USHBP1: variants seen among roughly 807,000 people sequenced by gnomAD.
USHBP1 encodes the protein USH1 protein network component harmonin binding protein 1.
USHBP1 carries 67 observed loss-of-function variants against 76.2 expected under a neutral mutation model. That is an observed-to-expected ratio of 0.88 (90% CI 0.72 to 1.08). The LOEUF (loss-of-function observed/expected upper bound fraction) is 1.08. Among genes scored for constraint, USHBP1 ranks in the 50% least tolerant of loss-of-function variants. The pLI is 0.00. For missense variants in USHBP1, 931 were observed against 915.0 expected (o/e 1.02, Z -0.23); for synonymous variants, 322 against 362.2 (o/e 0.89, Z 1.26).
At chr19:17,261,317 T>C (rs1227956915) in intron 4 of USHBP1, among the ~76,000 whole-genome samples, 2 of 140,810 alleles carry the variant, frequency 1.4e-5, no homozygotes, top group Non-Finnish European at 3.0e-5. Context: ...TTTTCTTTCT[T>C]TTTCTTTCTT....
Position 17,251,670 on chromosome 19 carries a change from G to T in USHBP1, c.1834C>A (p.Arg612Ser), listed in dbSNP as rs139642055. Residue 612 changes from arginine (R) to serine (S), a missense_variant, in exon 12 of 13, where the codon CGC (arginine) becomes AGC (serine). Coordinates refer to ENST00000252597, the MANE Select transcript of USHBP1 (RefSeq NM_031941.4). ...TGAGCCACCTGTTCCAGCTCCCTGC[G>T]CAGAGACTGCAGCTGCTCCTGCAGG... ...LDLQEQLQSLRRELEQVAQKG... is the reference protein window; with the variant it reads ...LDLQEQLQSLSRELEQVAQKG... 3 of 1,613,674 alleles carry T rather than the reference G, an allele frequency of 1.9e-6. No individual in the cohort carries two copies. The highest frequency in any genetic ancestry group is 1.3e-5 in the African/African-American group (1 of 75,032).
At chr19:17,252,336 C>A (rs1253869299) in intron 10 of USHBP1, among the ~76,000 whole-genome samples, 5 of 152,020 alleles carry the variant, frequency 3.3e-5, no homozygotes, top group African/African-American at 1.2e-4. Flanking sequence ...GTTGGGATTA[C>A]AGACACATGC....
In USHBP1 at chr19:17,251,655, G is replaced by A. The variant is rs767663098; in HGVS notation, c.1849C>T (p.Gln617Ter). ...CTGGCTCGCCCCTTCTGAGCCACCT[G>A]TTCCAGCTCCCTGCGCAGAGACTGC... The part of the protein sequence containing the change: ...QLQSLRRELE[Q>*]VAQKGRARRS... The change falls in exon 12 of 13, where the codon CAG becomes TAG. Residue 617 changes from glutamine (Q) to a stop codon, truncating the protein, a stop_gained. Transcript: ENST00000252597. LOFTEE classifies it high-confidence loss of function. 6.8e-6 allele frequency: 11 copies of A among 1,613,958 alleles called. No homozygotes were observed. Among genetic ancestry groups the A allele is most frequent in the Non-Finnish European group, 9.3e-6 (11 of 1,180,016 alleles).
At chr19:17,257,468 C>A (rs1020017425) in intron 8 of USHBP1, among the ~76,000 whole-genome samples, 1 of 150,234 alleles carries the variant, frequency 6.7e-6, no homozygotes, top group Non-Finnish European at 1.5e-5. Context: ...TATGGAGAAA[C>A]CCCGTCTCTA....
intron 4 of USHBP1, among the ~76,000 whole-genome samples, chr19:17,260,812 C>A (rs2073677854): frequency 6.6e-6 from 1 of 152,192 alleles, no homozygotes; most frequent in Non-Finnish European, 1.5e-5. Flanking sequence ...CCAGCCAAAC[C>A]TGCCTACCCT....
Position 17,251,645 on chromosome 19 carries a change from T to A in USHBP1, c.1859A>T (p.Gln620Leu), listed in dbSNP as rs1257422383. ...SLRRELEQVA[Q>L]KGRARRSQSA... ...CTGAGACCGTCTGGCTCGCCCCTTC[T>A]GAGCCACCTGTTCCAGCTCCCTGCG... is the stretch of plus-strand genomic sequence containing the variant. Residue 620 changes from glutamine (Q) to leucine (L), a missense_variant, in exon 12 of 13, where the codon CAG becomes CTG. Transcript: ENST00000252597. The A allele has an allele frequency of 6.2e-7, 1 of 1,614,008 alleles. No homozygotes were observed.
intron 10 of USHBP1, among the ~76,000 whole-genome samples, chr19:17,253,381 C>T (rs2145580153): frequency 6.6e-6 from 1 of 151,184 alleles, no homozygotes; most frequent in South Asian, 2.1e-4. Flanking sequence ...CTCCACCCCT[C>T]CAGGTTTAAG....
chr19:17,251,890 G>C, intron 11 of USHBP1, 21 bp downstream of exon 11: 1 of 1,531,970 alleles, frequency 6.5e-7, no homozygotes, highest in South Asian at 1.2e-5. Context: ...CCCCCGCACA[G>C]CCCAGGACCC....
Position 17,259,986 on chromosome 19 carries a change from GC to G in USHBP1, c.678del (p.Glu226AspfsTer107). The G allele has an allele frequency of 1.2e-6, 2 of 1,613,934 alleles. No individual in the cohort carries two copies. Among genetic ancestry groups the G allele is most frequent in the Non-Finnish European group, 1.7e-6 (2 of 1,179,930 alleles). On this transcript the variant is annotated frameshift_variant, in exon 5 of 13. Transcript: ENST00000252597. LOFTEE classifies it high-confidence loss of function. ...QELQDSLLRL[E>X]PCPHLSHNQA... The stretch of plus-strand genomic sequence containing the variant: ...TGGTTGTGGGAAAGATGTGGGCAGG[GC>G]TCCAGCCTCAAGAGGGAATCCTGCA...
At chr19:17,260,061 A>T (rs2073669930) in intron 4 of USHBP1, 39 bp from the exon 5 acceptor site, 1 of 1,590,658 alleles carries the variant, frequency 6.3e-7, no homozygotes. Flanking sequence ...TAGGGGCTCA[A>T]ACCAACCACC....
In USHBP1 at chr19:17,262,726, T is replaced by TC. The variant is rs761129967; in HGVS notation, c.467dup (p.Ala157SerfsTer33). ...CTTCCTGCTTCCCAAGGGAACCTGC[T>TC]CCCCCTTCGCTTGTGCCTTCGAACT... On this transcript the variant is annotated frameshift_variant, in exon 4 of 13. Coordinates refer to ENST00000252597, the MANE Select transcript of USHBP1 (RefSeq NM_031941.4). LOFTEE classifies it high-confidence loss of function. 1 of 1,614,028 alleles carries TC rather than the reference T, an allele frequency of 6.2e-7. No individual in the cohort carries two copies. The highest frequency in any genetic ancestry group is 1.3e-5 in the African/African-American group (1 of 74,914).
chr19:17,255,222 G>A (rs992220903), intron 10 of USHBP1, among the ~76,000 whole-genome samples, 163 bp downstream of exon 10: 1 of 151,954 alleles, frequency 6.6e-6, no homozygotes, highest in East Asian at 1.9e-4. Flanking sequence ...AACCTGGGAG[G>A]CGGAGGTTGT....
intron 10 of USHBP1, among the ~76,000 whole-genome samples, chr19:17,254,077 C>G (rs1319904388): frequency 6.6e-6 from 1 of 151,946 alleles, no homozygotes; most frequent in Admixed American, 6.6e-5. Context: ...GGCACGGTGG[C>G]TCACGCCTGT....
intron 9 of USHBP1, among the ~76,000 whole-genome samples, chr19:17,255,884 C>T (rs1007408660): frequency 1.3e-5 from 2 of 152,074 alleles, no homozygotes; most frequent in Admixed American, 6.6e-5. Context: ...ACCCGTAATC[C>T]CAGCTACTTG....
rs1276804289 is a variant in USHBP1 at position 17,252,019 on chromosome 19, T to C, written c.1693-2A>G. On this transcript the variant is annotated splice_acceptor_variant, in intron 10 of 12. Coordinates refer to ENST00000252597, the MANE Select transcript of USHBP1 (RefSeq NM_031941.4). LOFTEE classifies it high-confidence loss of function. ...GCCACCAGGGACAGCAGGAAGGCCC[T>C]AAGGGAGGCAGAAGACAAGAAAGTG... 1.9e-6 allele frequency: 3 copies of C among 1,547,464 alleles called. No individual in the cohort carries two copies. The highest frequency in any genetic ancestry group is 1.7e-6 in the Non-Finnish European group (2 of 1,146,950).
chr19:17,264,408 A>G (rs1399423473), intron 1 of USHBP1, 61 bp from the exon 2 acceptor site: 1 of 1,303,014 alleles, frequency 7.7e-7, no homozygotes, highest in Non-Finnish European at 1.0e-6. Context: ...GACAACCTCA[A>G]TTTCCTCTGC....
chr19:17,255,431 T>C lies in USHBP1; in HGVS notation c.1646A>G (p.His549Arg). 2 of 1,614,180 alleles carry C rather than the reference T, an allele frequency of 1.2e-6. No individual in the cohort carries two copies. Among genetic ancestry groups the C allele is most frequent in the South Asian group, 2.2e-5 (2 of 91,080 alleles). ...CCCGCTGCTGCCACCTCCGCTGCTA[T>C]GTCCGCCACTGCTGTTTGCCCCACC... ...QAGGANSSGGHSSGGGSSGDE... is the reference protein window; with the variant it reads ...QAGGANSSGGRSSGGGSSGDE... Residue 549 changes from histidine (H) to arginine (R), a missense_variant, in exon 10 of 13, where the codon CAT (histidine) becomes CGT (arginine). Coordinates refer to ENST00000252597, the MANE Select transcript of USHBP1 (RefSeq NM_031941.4).
intron 3 of USHBP1, chr19:17,263,719 A>C: frequency 8.8e-6 from 3 of 339,270 alleles, no homozygotes; most frequent in Non-Finnish European, 1.6e-5. Context: ...TAAAAATGCA[A>C]AACTTAGCCG....
In USHBP1 at chr19:17,256,385, C is replaced by A. The variant is rs147870298; in HGVS notation, c.1470+86G>T. On this transcript the variant is annotated intron_variant, in intron 9 of 12. Coordinates refer to ENST00000252597, the MANE Select transcript of USHBP1 (RefSeq NM_031941.4). Reference sequence around the variant, plus strand: ...TGCCTGCACTCAGCCCAGCAGAATTCTCCTTTGCTCCTTGGTCCCCCGACC... The same window carrying A: ...TGCCTGCACTCAGCCCAGCAGAATTATCCTTTGCTCCTTGGTCCCCCGACC... 12 of 1,561,874 alleles carry A rather than the reference C, an allele frequency of 7.7e-6. No homozygotes were observed. In the African/African-American group the frequency reaches 1.6e-4, roughly 21 times the overall value.
Sources: allele counts gnomAD v4.1 joint callset (sites outside exome capture counted in the v4.1 genomes callset), GRCh38; gene constraint gnomAD v4.1.1; transcripts MANE v1.5; gene names NCBI Gene and HGNC (gene_info 2026-07-23, HGNC 2026-07-21).